Variants in ZCCHC10 observed in about 807,000 individuals in gnomAD.
ZCCHC10 encodes zinc finger CCHC-type containing 10.
A neutral mutation model predicts 19.5 loss-of-function variants in ZCCHC10; 16 were observed. The ratio of observed to expected loss-of-function variants is 0.82; its 90% CI spans 0.56 to 1.25. The LOEUF (loss-of-function observed/expected upper bound fraction) is 1.25. ZCCHC10 is among the 50% of genes most tolerant of loss of function. The probability of loss-of-function intolerance (pLI) is 0.00; values close to 1 mark genes in which losing one functional copy is unlikely to be tolerated. For missense variants in ZCCHC10, 197 were observed against 201.0 expected (o/e 0.98, Z 0.12); for synonymous variants, 67 against 72.5 (o/e 0.92, Z 0.38).
At chr5:133,014,104 A>G (rs767531122) in intron 2 of ZCCHC10, among the ~76,000 whole-genome samples, 3 of 150,682 alleles carry the variant, frequency 2.0e-5, no homozygotes, top group Non-Finnish European at 2.9e-5. Context: ...TTTCTCCTAT[A>G]TATCAATCAA....
intron 2 of ZCCHC10, among the ~76,000 whole-genome samples, chr5:133,016,770 A>G (rs766868520): frequency 6.6e-6 from 1 of 152,100 alleles, no homozygotes; most frequent in Non-Finnish European, 1.5e-5. Context: ...TTCCTTCTTC[A>G]GGAAGAAACC....
In ZCCHC10 at chr5:132,998,650, C is replaced by A. The variant is rs1459967353; in HGVS notation, c.512G>T (p.Ser171Ile). 6.2e-7 allele frequency: 1 copy of A among 1,613,966 alleles called. No homozygotes were observed. Among genetic ancestry groups the A allele is most frequent in the Non-Finnish European group, 8.5e-7 (1 of 1,180,052 alleles). ...GCTATCTGTGCTGGTGCTACTGCTA[C>A]TGGAAGAGCTGGAATCTGAGTCTGA... ...SDSDSDSSSS[S>I]SSSTSTDSSS... Residue 171 changes from serine (S) to isoleucine (I), a missense_variant, in exon 5 of 5, where the codon AGT becomes ATT. Ser to Ile is a moderately radical substitution (Grantham distance 142). Transcript: ENST00000509437.
chr5:133,016,108 A>G, intron 2 of ZCCHC10, among the ~76,000 whole-genome samples: 1 of 152,166 alleles, frequency 6.6e-6, no homozygotes, highest in East Asian at 1.9e-4. Flanking sequence ...TGGTACAACA[A>G]CAAAAAAATA....
intron 1 of ZCCHC10, 149 bp downstream of exon 1, chr5:133,026,348 T>G: frequency 8.8e-7 from 1 of 1,141,826 alleles, no homozygotes; most frequent in South Asian, 1.3e-5. Flanking sequence ...ACCAGACTTA[T>G]CGCCCGGGCC....
intron 2 of ZCCHC10, among the ~76,000 whole-genome samples, chr5:133,019,591 G>T (rs368040142): frequency 6.6e-6 from 1 of 152,100 alleles, no homozygotes; most frequent in Non-Finnish European, 1.5e-5. Context: ...AATGGACACC[G>T]CTGGTAAGAA....
chr5:133,016,578 G>A (rs1455273379), intron 2 of ZCCHC10, among the ~76,000 whole-genome samples: 2 of 152,024 alleles, frequency 1.3e-5, no homozygotes, highest in African/African-American at 4.8e-5. Flanking sequence ...AAGTAGCTGG[G>A]ATTACAGGCG....
At chr5:133,017,325 T>G (rs1763990886) in intron 2 of ZCCHC10, among the ~76,000 whole-genome samples, 1 of 152,144 alleles carries the variant, frequency 6.6e-6, no homozygotes, top group South Asian at 2.1e-4. Context: ...GATTGCATTG[T>G]TCAGGAAGGG....
In ZCCHC10 at chr5:133,022,913, A is replaced by G. The variant is rs1263509220; in HGVS notation, c.42-7T>C. On this transcript the variant is annotated splice_polypyrimidine_tract_variant and splice_region_variant and intron_variant, in intron 1 of 4. Coordinates refer to ENST00000509437, the MANE Select transcript of ZCCHC10 (RefSeq NM_001300816.3). ...CTGCAACTCTGTGTCGAATCTAACA[A>G]GATGAAATTTAACAAGGACAAAGGT... is the stretch of plus-strand genomic sequence containing the variant. The G allele has an allele frequency of 1.7e-6, 1 of 584,466 alleles. No individual in the cohort carries two copies. Among genetic ancestry groups the G allele is most frequent in the South Asian group, 2.1e-5 (1 of 47,288 alleles). 36.2% of individuals were successfully genotyped at this position (584,466 alleles called of 1,614,324 possible).
At chr5:133,008,642 A>G (rs1302953279) in intron 2 of ZCCHC10, among the ~76,000 whole-genome samples, 5 of 151,970 alleles carry the variant, frequency 3.3e-5, no homozygotes, top group Non-Finnish European at 7.4e-5. Context: ...CGGTGGAAAG[A>G]TTGCTTGAGG....
chr5:133,004,035 T>C (rs1255172958), intron 3 of ZCCHC10, among the ~76,000 whole-genome samples: 1 of 152,080 alleles, frequency 6.6e-6, no homozygotes, highest in Admixed American at 6.6e-5. Context: ...TAATGACAGA[T>C]TTTTTTCTAG....
At chr5:133,016,389 T>A (rs1272695846) in intron 2 of ZCCHC10, among the ~76,000 whole-genome samples, 1 of 152,208 alleles carries the variant, frequency 6.6e-6, no homozygotes, top group African/African-American at 2.4e-5. Flanking sequence ...TTTTTAAAAT[T>A]TTTCTCCGCT....
At position 133,006,761 on chromosome 5, in the gene ZCCHC10, T is replaced by C. The variant is rs764343679; in HGVS notation, c.267A>G (p.Gln89=). ...TTGGATACCACATGTAAACCTACCT[T>C]TGTTGCAATAATAATCTGTTTTCTT... ...KEKENRLLLQ[Q]SIGETNVERK... is the part of the protein sequence containing the mutation. The change falls in exon 3 of 5, where the codon CAA becomes CAG. Residue 89 remains glutamine (Q), a splice_region_variant and synonymous_variant. Coordinates refer to ENST00000509437, the MANE Select transcript of ZCCHC10 (RefSeq NM_001300816.3). 5.0e-6 allele frequency: 8 copies of C among 1,601,308 alleles called. No homozygotes were observed. The Admixed American group carries it at 5.2e-5, about 10-fold the overall frequency.
chr5:133,025,877 C>T (rs1764668378), intron 1 of ZCCHC10, among the ~76,000 whole-genome samples: 1 of 152,148 alleles, frequency 6.6e-6, no homozygotes, highest in Non-Finnish European at 1.5e-5. Flanking sequence ...CGACTGTTTC[C>T]ATCACTAGAA....
At chr5:133,000,578 T>C (rs1581371231) in intron 3 of ZCCHC10, among the ~76,000 whole-genome samples, 1 of 152,158 alleles carries the variant, frequency 6.6e-6, no homozygotes, top group Non-Finnish European at 1.5e-5. Flanking sequence ...AGCCATTTCA[T>C]AATTTTTCAA....
rs116233292 is a variant in ZCCHC10, at chr5:133,009,152, A to G, written c.108-2232T>C. Among the ~76,000 whole-genome samples the G allele has an allele frequency of 2.2e-3, 328 of 152,000 alleles. 4 individuals are homozygous for G. The highest frequency in any genetic ancestry group is 7.7e-3 in the African/African-American group (320 of 41,492). On this transcript the variant is annotated intron_variant, in intron 2 of 4. Coordinates refer to ENST00000509437, the MANE Select transcript of ZCCHC10 (RefSeq NM_001300816.3). The stretch of plus-strand genomic sequence containing the variant: ...TGAGTAGTTGAGACTACAGGCATGC[A>G]CTATCACGCCCGGCTAATTTTTGTA...
intron 3 of ZCCHC10, among the ~76,000 whole-genome samples, chr5:133,004,783 C>G (rs928338300): frequency 2.0e-5 from 3 of 152,044 alleles, no homozygotes; most frequent in African/African-American, 7.2e-5. Flanking sequence ...AGCCACCGTG[C>G]CCGGCTTAAT....
Position 133,001,156 on chromosome 5 carries a change from G to A in ZCCHC10, c.270-983C>T, listed in dbSNP as rs143216908. 3.2e-3 allele frequency among the ~76,000 whole-genome samples: 489 copies of A among 151,860 alleles called. 19 individuals are homozygous for A. The South Asian group carries it at 0.048, about 15-fold the overall frequency. On this transcript the variant is annotated intron_variant, in intron 3 of 4. Transcript: ENST00000509437. ...TAATCCCAGCAGTTTGGGAGGCCGA[G>A]GCAGGCAGATCATTTGAGGTCAGGA... is the stretch of plus-strand genomic sequence containing the variant.
intron 2 of ZCCHC10, among the ~76,000 whole-genome samples, chr5:133,012,734 G>A (rs1490299161): frequency 2.0e-5 from 3 of 151,574 alleles, no homozygotes; most frequent in Non-Finnish European, 2.9e-5. Flanking sequence ...GGACAACATG[G>A]TGAAACCTCA....
intron 2 of ZCCHC10, among the ~76,000 whole-genome samples, chr5:133,012,232 T>C (rs1363975966): frequency 2.7e-5 from 4 of 148,094 alleles, no homozygotes; most frequent in Middle Eastern, 3.7e-3. Context: ...CCTTGGAAGG[T>C]TGAGGCAGGC....
Sources: allele counts gnomAD v4.1 joint callset (sites outside exome capture counted in the v4.1 genomes callset), GRCh38; gene constraint gnomAD v4.1.1; transcripts MANE v1.5; gene names NCBI Gene and HGNC (gene_info 2026-07-23, HGNC 2026-07-21).